The following RFX8 variants were observed in gnomAD, a reference collection of about 807,000 sequenced individuals.
RFX8 encodes the protein regulatory factor X8.
In RFX8, 46 loss-of-function variants were observed where a neutral mutation model predicts 54.6. The ratio of observed to expected loss-of-function variants is 0.84; its 90% CI spans 0.67 to 1.08. The LOEUF is 1.08. RFX8 is among the 50% of genes least tolerant of loss of function. RFX8 has a pLI of 0.00. For synonymous variants in RFX8, 192 were observed against 209.5 expected, an observed-to-expected ratio of 0.92 and a Z score of 0.72; for missense variants, 536 against 562.3, an observed-to-expected ratio of 0.95 and a Z score of 0.47.
rs572673037 is a variant in RFX8, at chr2:101,411,836, C to T, written c.718+1079G>A. ...GGGATATATTTTAGTATTTTAATAA[C>T]TGGCACAACCCTACCAAGGCCAGCC... On this transcript the variant is annotated intron_variant, in intron 8 of 11. Coordinates refer to ENST00000428343, the MANE Select transcript of RFX8 (RefSeq NM_001145664.2). Among the ~76,000 whole-genome samples the T allele has an allele frequency of 2.0e-5, 3 of 152,260 alleles. No homozygotes were observed. In the East Asian group the frequency reaches 5.8e-4, roughly 29 times the overall value.
intron 2 of RFX8, among the ~76,000 whole-genome samples, chr2:101,444,787 GTACAGATCAA>G (rs1239659328): frequency 6.6e-6 from 1 of 152,168 alleles, no homozygotes. Flanking sequence ...ATACATCAAA[GTACAGATCAA>G]TATGCTTAGA....
chr2:101,452,428 GA>G, intron 2 of RFX8: 1 of 1,359,716 alleles, frequency 7.4e-7, no homozygotes, highest in Non-Finnish European at 9.5e-7. Flanking sequence ...CCAAGGTCCG[GA>G]AAAACCAATC....
At chr2:101,413,157 G>T in intron 7 of RFX8, 86 bp from the exon 8 acceptor site, 1 of 1,069,012 alleles carries the variant, frequency 9.4e-7, no homozygotes, top group Non-Finnish European at 1.4e-6. Flanking sequence ...CAAGATTTTT[G>T]TTGTGGGGGA....
intron 2 of RFX8, among the ~76,000 whole-genome samples, chr2:101,460,436 T>C (rs17025682): frequency 0.089 from 13,484 of 152,194 alleles, 755 homozygotes; most frequent in East Asian, 0.23. Context: ...GTTTTCACTT[T>C]CTGGGTTTGA....
chr2:101,465,850 G>C (rs534258217), intron 2 of RFX8, among the ~76,000 whole-genome samples: 1 of 152,190 alleles, frequency 6.6e-6, no homozygotes, highest in Non-Finnish European at 1.5e-5. Flanking sequence ...GAGGGACTGC[G>C]TTGCACCCTT....
chr2:101,421,123 G>C (rs533941606), intron 4 of RFX8: 88 of 373,580 alleles, frequency 2.4e-4, no homozygotes, highest in Non-Finnish European at 3.0e-4. Flanking sequence ...CGCTCGTGCT[G>C]AATGAGCGTT....
intron 11 of RFX8, among the ~76,000 whole-genome samples, chr2:101,400,621 C>T (rs767029637): frequency 2.0e-5 from 3 of 152,236 alleles, no homozygotes; most frequent in Non-Finnish European, 2.9e-5. Flanking sequence ...GCCTTCCTTA[C>T]AGATAAAGCC....
intron 2 of RFX8, among the ~76,000 whole-genome samples, chr2:101,446,933 C>T (rs1020998092): frequency 6.6e-6 from 1 of 152,208 alleles, no homozygotes; most frequent in Non-Finnish European, 1.5e-5. Flanking sequence ...ATAAATCTCT[C>T]ATTATAGCTA....
chr2:101,428,900 C>T, intron 2 of RFX8: 1 of 1,032,440 alleles, frequency 9.7e-7, no homozygotes, highest in Non-Finnish European at 1.5e-6. Context: ...ATTAAGCAAT[C>T]ACTGGTATTG....
At chr2:101,444,892 T>A (rs1182453364) in intron 2 of RFX8, among the ~76,000 whole-genome samples, 1 of 152,152 alleles carries the variant, frequency 6.6e-6, no homozygotes, top group Non-Finnish European at 1.5e-5. Context: ...AACAGTCCCA[T>A]GAAGTAGATA....
At chr2:101,437,075 G>A (rs1033757821) in intron 2 of RFX8, among the ~76,000 whole-genome samples, 4 of 152,148 alleles carry the variant, frequency 2.6e-5, no homozygotes, top group African/African-American at 7.2e-5. Flanking sequence ...CTGAATTATA[G>A]GATTCTCCTT....
chr2:101,428,701 T>C (rs1276760940), intron 2 of RFX8, among the ~76,000 whole-genome samples: 2 of 152,212 alleles, frequency 1.3e-5, no homozygotes, highest in East Asian at 3.8e-4. Flanking sequence ...TCCTTTTTAA[T>C]TTTAGCTGAA....
intron 2 of RFX8, among the ~76,000 whole-genome samples, chr2:101,465,890 T>C (rs1006294607): frequency 1.2e-4 from 19 of 152,226 alleles, no homozygotes; most frequent in Admixed American, 8.5e-4. Flanking sequence ...ACGTCAATAA[T>C]TGAAGTCATA....
chr2:101,421,884 C>G, intron 3 of RFX8, 107 bp from the exon 4 acceptor site: 1 of 799,746 alleles, frequency 1.3e-6, no homozygotes, highest in Non-Finnish European at 2.0e-6. Flanking sequence ...TTGCAATTCT[C>G]AAATGACAAT....
intron 11 of RFX8, among the ~76,000 whole-genome samples, chr2:101,401,414 C>A (rs1039874906): frequency 6.6e-6 from 1 of 152,126 alleles, no homozygotes; most frequent in Non-Finnish European, 1.5e-5. Flanking sequence ...TGTTATTCTG[C>A]GGACTCTAAG....
intron 2 of RFX8, among the ~76,000 whole-genome samples, chr2:101,425,275 T>C (rs930866142): frequency 6.6e-5 from 10 of 152,222 alleles, no homozygotes; most frequent in African/African-American, 2.4e-4. Context: ...CTCTGGGTGT[T>C]ACTGCTGATA....
chr2:101,405,901 TA>T, intron 10 of RFX8, 41 bp downstream of exon 10: 2 of 1,253,566 alleles, frequency 1.6e-6, no homozygotes, highest in Non-Finnish European at 2.2e-6. Context: ...ATGACATTTT[TA>T]AAAGGTAGAA....
rs139787995 is a variant in RFX8 at position 101,420,924 on chromosome 2, G to C, written c.237+800C>G. 2.2e-3 allele frequency among the ~76,000 whole-genome samples: 331 copies of C among 152,296 alleles called. 1 individual carries two copies. Among genetic ancestry groups the C allele is most frequent in the African/African-American group, 7.8e-3 (326 of 41,550 alleles). On this transcript the variant is annotated intron_variant, in intron 4 of 11. Transcript: ENST00000428343. ...TATGGAGAATACTTTCCTAGTCCTG[G>C]TAACGGTGTCGGTCACAGGGTAGGA...
chr2:101,399,993 G>A (rs367976635), intron 11 of RFX8, among the ~76,000 whole-genome samples: 2 of 152,166 alleles, frequency 1.3e-5, no homozygotes, highest in African/African-American at 2.4e-5. Context: ...TTAGTGAGGT[G>A]ACCTTGGGAA....
Sources: allele counts gnomAD v4.1 joint callset (sites outside exome capture counted in the v4.1 genomes callset), GRCh38; gene constraint gnomAD v4.1.1; transcripts MANE v1.5; gene names NCBI Gene and HGNC (gene_info 2026-07-23, HGNC 2026-07-21).